Variants in VTI1A observed in about 807,000 individuals in gnomAD.
VTI1A encodes vesicle transport through interaction with t-SNAREs homolog 1A.
In VTI1A, 22 loss-of-function variants were observed where a neutral mutation model predicts 34.9. The ratio of observed to expected loss-of-function variants is 0.63; its 90% confidence interval spans 0.45 to 0.90. The LOEUF (loss-of-function observed/expected upper bound fraction) is 0.90, where lower values mean the gene tolerates loss of function less well. Among genes scored for constraint, VTI1A ranks in the 40% least tolerant of loss-of-function variants. The pLI is 0.00. For missense variants in VTI1A, 268 were observed against 275.6 expected (o/e 0.97, Z 0.20); for synonymous variants, 87 against 97.3 (o/e 0.89, Z 0.62).
intron 7 of VTI1A, among the ~76,000 whole-genome samples, chr10:112,744,291 C>T (rs1270606932): frequency 1.3e-5 from 2 of 152,160 alleles, no homozygotes; most frequent in African/African-American, 4.8e-5. Context: ...CGTCCACTCT[C>T]TTGCCACAAC....
chr10:112,447,891 A>G (rs188179749), intron 1 of VTI1A, among the ~76,000 whole-genome samples: 34 of 152,314 alleles, frequency 2.2e-4, no homozygotes, highest in African/African-American at 7.9e-4. Context: ...GCGGCAAAAT[A>G]GAGGTAAGAA....
At chr10:112,721,046 T>C (rs1026698746) in intron 7 of VTI1A, among the ~76,000 whole-genome samples, 6 of 152,208 alleles carry the variant, frequency 3.9e-5, no homozygotes, top group African/African-American at 1.4e-4. Context: ...TCTATCCTCA[T>C]AGAAGCATAT....
chr10:112,660,364 C>T (rs1165498288), intron 5 of VTI1A, among the ~76,000 whole-genome samples: 2 of 152,198 alleles, frequency 1.3e-5, no homozygotes. Context: ...TCCCAAAGTG[C>T]TGGGATTACA....
chr10:112,657,403 T>G (rs1847270171), intron 5 of VTI1A, among the ~76,000 whole-genome samples: 1 of 152,216 alleles, frequency 6.6e-6, no homozygotes, highest in Non-Finnish European at 1.5e-5. Flanking sequence ...ATAAAAATAC[T>G]ATATAAAACA....
At chr10:112,736,596 C>T (rs1590132971) in intron 7 of VTI1A, 2 of 1,429,484 alleles carry the variant, frequency 1.4e-6, no homozygotes, top group Admixed American at 2.3e-5. Flanking sequence ...GAAAGTGGCT[C>T]CTCTGATAAG....
At chr10:112,457,588 G>C (rs116595289) in intron 1 of VTI1A, among the ~76,000 whole-genome samples, 173 of 152,308 alleles carry the variant, frequency 1.1e-3, no homozygotes, top group African/African-American at 4.0e-3. Flanking sequence ...AGGTGGGCCT[G>C]GTGGAGATGG....
intron 5 of VTI1A, among the ~76,000 whole-genome samples, chr10:112,543,334 C>T (rs1469945877): frequency 1.3e-4 from 20 of 152,134 alleles, no homozygotes; most frequent in African/African-American, 4.8e-4. Context: ...TCCTCTCCAG[C>T]ACCTGTTGTT....
chr10:112,665,297 A>G (rs867723956), intron 5 of VTI1A, among the ~76,000 whole-genome samples: 45 of 137,188 alleles, frequency 3.3e-4, no homozygotes, highest in African/African-American at 1.1e-3. Flanking sequence ...TGGGCCCCAC[A>G]GTGGGGGAAA....
intron 5 of VTI1A, among the ~76,000 whole-genome samples, chr10:112,635,295 C>A (rs908614329): frequency 6.6e-6 from 1 of 152,174 alleles, no homozygotes; most frequent in Non-Finnish European, 1.5e-5. Flanking sequence ...AAGGCAGATG[C>A]AGAATTCATG....
At chr10:112,498,455 G>A (rs1327032820) in intron 3 of VTI1A, among the ~76,000 whole-genome samples, 1 of 151,646 alleles carries the variant, frequency 6.6e-6, no homozygotes, top group African/African-American at 2.4e-5. Flanking sequence ...TCTCCTCATC[G>A]CCGCCACCAC....
chr10:112,579,571 T>C (rs1374196919), intron 5 of VTI1A, among the ~76,000 whole-genome samples: 1 of 152,184 alleles, frequency 6.6e-6, no homozygotes, highest in Non-Finnish European at 1.5e-5. Context: ...TATCTTACAA[T>C]AGATGCTGAC....
intron 3 of VTI1A, among the ~76,000 whole-genome samples, chr10:112,481,657 G>T (rs1848461007): frequency 6.6e-6 from 1 of 152,104 alleles, no homozygotes; most frequent in Non-Finnish European, 1.5e-5. Context: ...TACAAGAATT[G>T]TCAAGAAATT....
chr10:112,612,103 T>C (rs1378425674), intron 5 of VTI1A, among the ~76,000 whole-genome samples: 1 of 152,126 alleles, frequency 6.6e-6, no homozygotes, highest in Non-Finnish European at 1.5e-5. Flanking sequence ...TCTCAAATTC[T>C]TTTAAAAATA....
At chr10:112,790,870 C>T (rs187760540) in intron 7 of VTI1A, among the ~76,000 whole-genome samples, 4 of 151,192 alleles carry the variant, frequency 2.6e-5, no homozygotes, top group African/African-American at 9.8e-5. Context: ...TTTTGCTGGT[C>T]TGTAGAATGT....
intron 7 of VTI1A, among the ~76,000 whole-genome samples, chr10:112,773,497 G>A (rs1851871868): frequency 6.6e-6 from 1 of 152,126 alleles, no homozygotes; most frequent in African/African-American, 2.4e-5. Flanking sequence ...TCCTGTGCTA[G>A]CCCCATTCCT....
chr10:112,554,738 G>T (rs1259766660), intron 5 of VTI1A, among the ~76,000 whole-genome samples: 1 of 151,970 alleles, frequency 6.6e-6, no homozygotes, highest in Non-Finnish European at 1.5e-5. Flanking sequence ...CCTTGGCCAG[G>T]TTTGGGTACT....
intron 5 of VTI1A, among the ~76,000 whole-genome samples, chr10:112,554,418 A>G (rs1851473776): frequency 6.6e-6 from 1 of 152,210 alleles, no homozygotes; most frequent in Non-Finnish European, 1.5e-5. Flanking sequence ...ATAATGTATC[A>G]ATATTGGTTT....
intron 3 of VTI1A, among the ~76,000 whole-genome samples, chr10:112,474,266 T>C (rs1262705386): frequency 6.6e-6 from 1 of 151,840 alleles, no homozygotes; most frequent in Non-Finnish European, 1.5e-5. Flanking sequence ...GAGGTTTCAC[T>C]GTGGTCTCGA....
At chr10:112,472,012 T>C (rs937589092) in intron 3 of VTI1A, among the ~76,000 whole-genome samples, 2 of 152,194 alleles carry the variant, frequency 1.3e-5, no homozygotes, top group Non-Finnish European at 2.9e-5. Flanking sequence ...GAGGACATGG[T>C]GTGTTGAATG....
Sources: allele counts gnomAD v4.1 joint callset (sites outside exome capture counted in the v4.1 genomes callset), GRCh38; gene constraint gnomAD v4.1.1; transcripts MANE v1.5; gene names NCBI Gene and HGNC (gene_info 2026-07-23, HGNC 2026-07-21).